Variants in RALYL observed in about 807,000 individuals in gnomAD.
RALYL encodes RNA-binding Raly-like protein.
RALYL carries 29 observed loss-of-function variants against 35.1 expected under a neutral mutation model. The observed-to-expected ratio is 0.83, with a 90% CI of 0.61 to 1.13. The LOEUF (loss-of-function observed/expected upper bound fraction) is 1.13. Ranked by LOEUF, RALYL falls within the 50% of genes most tolerant of loss-of-function variation. RALYL has a pLI of 0.00. For missense variants in RALYL, 359 were observed against 360.4 expected (o/e 1.00, Z 0.03); for synonymous variants, 120 against 127.6 (o/e 0.94, Z 0.40).
intron 6 of RALYL, among the ~76,000 whole-genome samples, chr8:84,868,815 G>A (rs181571668): frequency 6.6e-6 from 1 of 152,088 alleles, no homozygotes; most frequent in African/African-American, 2.4e-5. Context: ...TTCATCTATG[G>A]GGTGGGTGAT....
At chr8:84,774,779 A>G (rs1173974675) in intron 3 of RALYL, 125 bp downstream of exon 3, 1 of 667,092 alleles carries the variant, frequency 1.5e-6, no homozygotes, top group Admixed American at 2.9e-5. Flanking sequence ...AAAGTACAAC[A>G]AATGTTGTTG....
chr8:84,338,178 AT>A (rs1434684957), intron 1 of RALYL, among the ~76,000 whole-genome samples: 1 of 151,970 alleles, frequency 6.6e-6, no homozygotes, highest in Non-Finnish European at 1.5e-5. Flanking sequence ...AAAAAACTTT[AT>A]TTATAATAAT....
intron 4 of RALYL, among the ~76,000 whole-genome samples, chr8:84,842,340 C>T (rs904947042): frequency 6.6e-6 from 1 of 152,166 alleles, no homozygotes; most frequent in African/African-American, 2.4e-5. Context: ...CTATAAACAC[C>T]TCTACGCAAA....
intron 2 of RALYL, among the ~76,000 whole-genome samples, chr8:84,750,852 C>G (rs1002840455): frequency 6.6e-6 from 1 of 152,048 alleles, no homozygotes; most frequent in Non-Finnish European, 1.5e-5. Context: ...GACTTCTCAG[C>G]CTCCATAACT....
intron 1 of RALYL, among the ~76,000 whole-genome samples, chr8:84,508,265 C>T (rs1250877911): frequency 6.6e-6 from 1 of 152,082 alleles, no homozygotes; most frequent in African/African-American, 2.4e-5. Flanking sequence ...GTGCTTGAGA[C>T]TATCCTTAGC....
intron 1 of RALYL, among the ~76,000 whole-genome samples, chr8:84,237,149 A>T (rs1221229968): frequency 6.6e-6 from 1 of 152,218 alleles, no homozygotes; most frequent in African/African-American, 2.4e-5. Context: ...GAAATAAGTT[A>T]CAGGAAACCT....
chr8:84,444,356 C>T lies in RALYL; in HGVS notation c.-23-84943C>T, dbSNP rs547899085. On this transcript the variant is annotated intron_variant, in intron 1 of 8. Transcript: ENST00000521268. ...AAAAGCAAACAAACAAGCAAAAAAA[C>T]AACAATGAAAAAAAACACCACACAC... 4.6e-5 allele frequency among the ~76,000 whole-genome samples: 7 copies of T among 151,538 alleles called. No individual in the cohort carries two copies. In the South Asian group the frequency reaches 1.5e-3, roughly 32 times the overall value.
chr8:84,566,388 A>T (rs189990166), intron 2 of RALYL, among the ~76,000 whole-genome samples: 59 of 151,692 alleles, frequency 3.9e-4, no homozygotes, highest in African/African-American at 1.3e-3. Context: ...AAATTAAAAG[A>T]AAATTAAATA....
At chr8:84,462,113 GT>G (rs567226700) in intron 1 of RALYL, among the ~76,000 whole-genome samples, 146 of 148,462 alleles carry the variant, frequency 9.8e-4, no homozygotes, top group East Asian at 2.4e-3. Flanking sequence ...GGTGTAATCA[GT>G]TTTTTTTTTA....
At chr8:84,685,833 A>C (rs1231055662) in intron 2 of RALYL, among the ~76,000 whole-genome samples, 1 of 152,212 alleles carries the variant, frequency 6.6e-6, no homozygotes, top group Non-Finnish European at 1.5e-5. Context: ...TATTTTTACC[A>C]TAAAATCTGG....
chr8:84,871,122 A>G (rs1037562757), intron 6 of RALYL, among the ~76,000 whole-genome samples: 2 of 152,146 alleles, frequency 1.3e-5, no homozygotes, highest in Non-Finnish European at 2.9e-5. Flanking sequence ...TTGTTTCTTG[A>G]GTAACATTAA....
intron 1 of RALYL, among the ~76,000 whole-genome samples, chr8:84,510,714 G>A (rs1282645284): frequency 1.3e-5 from 2 of 152,172 alleles, no homozygotes; most frequent in East Asian, 3.9e-4. Context: ...GGAGGCTGAG[G>A]CAGGAGAATT....
intron 1 of RALYL, among the ~76,000 whole-genome samples, chr8:84,288,985 A>G (rs1838225761): frequency 6.6e-6 from 1 of 152,300 alleles, no homozygotes; most frequent in Non-Finnish European, 1.5e-5. Context: ...TCTGAACTTG[A>G]CTGTGCCAAA....
chr8:84,379,775 G>A (rs1022633077), intron 1 of RALYL, among the ~76,000 whole-genome samples: 8 of 151,420 alleles, frequency 5.3e-5, no homozygotes, highest in Non-Finnish European at 1.2e-4. Context: ...ATAAATGCGG[G>A]CAGGAATTGA....
chr8:84,610,271 G>A (rs2130867805), intron 2 of RALYL, among the ~76,000 whole-genome samples: 1 of 152,062 alleles, frequency 6.6e-6, no homozygotes, highest in Non-Finnish European at 1.5e-5. Flanking sequence ...TTGACTGCTT[G>A]ACTCCCAGAC....
chr8:84,273,690 G>C (rs1648101852), intron 1 of RALYL, among the ~76,000 whole-genome samples: 1 of 152,158 alleles, frequency 6.6e-6, no homozygotes, highest in Admixed American at 6.5e-5. Context: ...AAAATACGTA[G>C]TTCCTACAAA....
chr8:84,401,637 CAAAAAAAAAAAAA>C (rs71271985), intron 1 of RALYL, among the ~76,000 whole-genome samples: 878 of 17,406 alleles, frequency 0.05, 14 homozygotes, highest in African/African-American at 0.083. Context: ...GACTCTGTCT[CAAAAAAAAAAAAA>C]AAAAAAAAAA....
chr8:84,555,599 T>A (rs1158823521), intron 2 of RALYL, among the ~76,000 whole-genome samples: 1 of 152,210 alleles, frequency 6.6e-6, no homozygotes, highest in African/African-American at 2.4e-5. Flanking sequence ...AACATTTGGA[T>A]AAATAAAAGT....
chr8:84,874,837 G>T (rs1449963602), intron 7 of RALYL, among the ~76,000 whole-genome samples: 1 of 152,170 alleles, frequency 6.6e-6, no homozygotes, highest in African/African-American at 2.4e-5. Context: ...ATAGCACAGA[G>T]TTAAAAATAT....
Sources: gnomAD v4.1 joint callset for allele counts (sites outside exome capture counted in the v4.1 genomes callset) on GRCh38, gnomAD v4.1.1 for gene constraint, MANE v1.5 for transcripts, NCBI Gene and HGNC (gene_info 2026-07-23, HGNC 2026-07-21) for gene names.